The following PPP1R9A variants were observed in gnomAD, a reference collection of about 807,000 sequenced individuals.
PPP1R9A encodes protein phosphatase 1 regulatory subunit 9A, also known as neurabin-1.
In PPP1R9A, 59 loss-of-function variants were observed where a neutral mutation model predicts 141.9. The observed-to-expected ratio is 0.42, with a 90% confidence interval of 0.34 to 0.52. PPP1R9A has a LOEUF of 0.52. Ranked by LOEUF, PPP1R9A falls within the 20% of genes least tolerant of loss-of-function variation. The pLI is 0.10. For missense variants in PPP1R9A, 1,444 were observed against 1,611.9 expected (o/e 0.90, Z 1.78); for synonymous variants, 500 against 569.7 (o/e 0.88, Z 1.74).
intron 2 of PPP1R9A, among the ~76,000 whole-genome samples, chr7:94,979,819 T>C (rs1253210678): frequency 2.0e-5 from 3 of 152,166 alleles, no homozygotes; most frequent in Non-Finnish European, 4.4e-5. Context: ...AAATGCTAGT[T>C]TGGTGGTGTG....
chr7:95,156,685 C>A (rs951137465), intron 4 of PPP1R9A: 1 of 152,370 alleles, frequency 6.6e-6, no homozygotes, highest in South Asian at 2.1e-4. Flanking sequence ...AGGGAAGCTC[C>A]TCCTAGCAGG....
intron 14 of PPP1R9A, among the ~76,000 whole-genome samples, chr7:95,271,796 A>C (rs1407941956): frequency 1.3e-5 from 2 of 152,172 alleles, no homozygotes; most frequent in Admixed American, 6.5e-5. Context: ...AGTATTGGAG[A>C]GATTTTAAAA....
intron 2 of PPP1R9A, among the ~76,000 whole-genome samples, chr7:94,990,029 G>T (rs1043820735): frequency 6.6e-6 from 1 of 151,968 alleles, no homozygotes; most frequent in Non-Finnish European, 1.5e-5. Flanking sequence ...GCTTTTAATA[G>T]GGCTTATCTT....
chr7:94,921,964 CA>C (rs1562995064), intron 2 of PPP1R9A, among the ~76,000 whole-genome samples: 1 of 151,374 alleles, frequency 6.6e-6, no homozygotes, highest in Admixed American at 6.6e-5. Flanking sequence ...GACCCTGTTT[CA>C]AAAAAGAAAA....
intron 14 of PPP1R9A, among the ~76,000 whole-genome samples, chr7:95,271,871 A>G (rs560707541): frequency 7.2e-5 from 11 of 152,326 alleles, no homozygotes; most frequent in African/African-American, 2.6e-4. Context: ...TCCTGAAATC[A>G]TACCAATCTA....
intron 4 of PPP1R9A, among the ~76,000 whole-genome samples, chr7:95,147,445 A>G (rs982070764): frequency 6.6e-6 from 1 of 152,154 alleles, no homozygotes; most frequent in Non-Finnish European, 1.5e-5. Context: ...CTGCAAACAG[A>G]GACAATTTGA....
chr7:95,200,284 C>T (rs1169904130), intron 6 of PPP1R9A, among the ~76,000 whole-genome samples: 7 of 145,798 alleles, frequency 4.8e-5, no homozygotes, highest in African/African-American at 1.2e-4. Flanking sequence ...TTTTTTTTTA[C>T]GACACAGGGT....
At chr7:94,952,568 A>G (rs1364925390) in intron 2 of PPP1R9A, among the ~76,000 whole-genome samples, 1 of 152,184 alleles carries the variant, frequency 6.6e-6, no homozygotes, top group East Asian at 1.9e-4. Flanking sequence ...TTACACACCC[A>G]CCAACAGTGT....
intron 2 of PPP1R9A, among the ~76,000 whole-genome samples, chr7:94,923,400 A>G (rs1195280922): frequency 2.0e-5 from 3 of 152,208 alleles, no homozygotes; most frequent in Admixed American, 1.3e-4. Context: ...CTGATGTCTT[A>G]GATTATTGAG....
chr7:94,984,950 G>C (rs992516487), intron 2 of PPP1R9A, among the ~76,000 whole-genome samples: 1 of 152,082 alleles, frequency 6.6e-6, no homozygotes, highest in African/African-American at 2.4e-5. Context: ...GATCTTTCCT[G>C]CTTTCTCTTG....
At chr7:94,933,268 G>T (rs1794385032) in intron 2 of PPP1R9A, among the ~76,000 whole-genome samples, 2 of 152,120 alleles carry the variant, frequency 1.3e-5, no homozygotes, top group South Asian at 2.1e-4. Context: ...ATGTATTATG[G>T]TTTAGTTTTT....
intron 4 of PPP1R9A, among the ~76,000 whole-genome samples, chr7:95,144,573 T>G (rs1424944588): frequency 1.3e-5 from 2 of 152,162 alleles, no homozygotes; most frequent in African/African-American, 4.8e-5. Flanking sequence ...TATGTTGTTT[T>G]CTATTATGGA....
chr7:95,108,307 C>A (rs199894812), intron 2 of PPP1R9A, among the ~76,000 whole-genome samples: 1 of 59,596 alleles, frequency 1.7e-5, no homozygotes, highest in Non-Finnish European at 3.1e-5. Flanking sequence ...CGTTTCTTTT[C>A]TTTTTTTTTT....
chr7:95,201,582 A>G (rs1388608100), intron 6 of PPP1R9A, among the ~76,000 whole-genome samples: 1 of 152,150 alleles, frequency 6.6e-6, no homozygotes, highest in African/African-American at 2.4e-5. Context: ...CCTATTTTCT[A>G]TTTACTCTCT....
chr7:95,111,279 T>C lies in PPP1R9A; in HGVS notation c.1416T>C (p.Asn472=). 1 of 1,612,402 alleles carries C rather than the reference T, an allele frequency of 6.2e-7. No homozygotes were observed. The highest frequency in any genetic ancestry group is 2.2e-5 in the East Asian group (1 of 44,772). ...APIKVFNTYS[N]EDYDRRNDEV... ...TACAGGTTTTCAACACATACTCCAA[T>C]GAAGACTATGACAGGAGAAATGACG... The change falls in exon 3 of 20, where the codon AAT becomes AAC. Residue 472 remains asparagine, a synonymous_variant. Transcript: ENST00000433360.
At chr7:95,269,891 A>G (rs1192910608) in intron 14 of PPP1R9A, among the ~76,000 whole-genome samples, 5 of 152,194 alleles carry the variant, frequency 3.3e-5, no homozygotes, top group African/African-American at 2.4e-5. Flanking sequence ...ACACTAACGT[A>G]GTCATATAGG....
chr7:95,162,159 A>G (rs1371643215), intron 5 of PPP1R9A, among the ~76,000 whole-genome samples, 188 bp downstream of exon 5: 5 of 152,200 alleles, frequency 3.3e-5, no homozygotes, highest in Non-Finnish European at 5.9e-5. Flanking sequence ...AAAATTACAA[A>G]TCATAGTATT....
chr7:95,134,385 A>G (rs768042945), intron 4 of PPP1R9A, among the ~76,000 whole-genome samples: 2 of 152,138 alleles, frequency 1.3e-5, no homozygotes, highest in Non-Finnish European at 2.9e-5. Context: ...CTTAAAACCT[A>G]GATGAAGGTT....
Position 95,290,251 on chromosome 7 carries a change from A to G in PPP1R9A, c.4073A>G (p.Lys1358Arg). ...KEQEQMQRKS[K>R]KTEKMTSTTA... ...CAAGAGCAAATGCAGAGGAAGTCCA[A>G]AAAGACAGAAAAGATGACGTCAACT... is the stretch of plus-strand genomic sequence containing the variant. Residue 1358 changes from lysine (K) to arginine (R), a missense_variant, in exon 20 of 20, where the codon AAA (lysine) becomes AGA (arginine). Physicochemically the swap from Lys to Arg is conservative, Grantham distance 26. Transcript: ENST00000433360. 4.3e-6 allele frequency: 7 copies of G among 1,613,140 alleles called. No homozygotes were observed. Among genetic ancestry groups the G allele is most frequent in the Non-Finnish European group, 5.9e-6 (7 of 1,179,550 alleles).
Sources: gnomAD v4.1 joint callset for allele counts (sites outside exome capture counted in the v4.1 genomes callset) on GRCh38, gnomAD v4.1.1 for gene constraint, MANE v1.5 for transcripts, NCBI Gene and HGNC (gene_info 2026-07-23, HGNC 2026-07-21) for gene names.